Variants in PABPC4L observed in about 807,000 individuals in gnomAD.
The protein encoded by PABPC4L is poly(A) binding protein cytoplasmic 4 like.
For synonymous variants in PABPC4L, 169 were observed against 164.1 expected, an observed-to-expected ratio of 1.03 and a Z score of -0.23; for missense variants, 452 against 451.4, an observed-to-expected ratio of 1.00 and a Z score of -0.01.
At chr4:134,073,395 T>C in the PABPC4L span, among the ~76,000 whole-genome samples, 1 of 152,196 alleles carries the variant, frequency 6.6e-6, no homozygotes, top group Non-Finnish European at 1.5e-5. Context: ...CTGATGGAAG[T>C]AGGCTCCATG....
chr4:134,092,114 G>A, the PABPC4L span, among the ~76,000 whole-genome samples: 8 of 151,982 alleles, frequency 5.3e-5, no homozygotes, highest in East Asian at 1.2e-3. Context: ...ACTGGGTAGA[G>A]GGGGGTGGTT....
chr4:133,961,325 G>A, the PABPC4L span, among the ~76,000 whole-genome samples: 4 of 152,102 alleles, frequency 2.6e-5, no homozygotes, highest in Non-Finnish European at 5.9e-5. Flanking sequence ...AATCCCTACA[G>A]CTCAGCTGTC....
the PABPC4L span, among the ~76,000 whole-genome samples, chr4:133,971,643 A>G: frequency 6.6e-6 from 1 of 152,138 alleles, no homozygotes; most frequent in African/African-American, 2.4e-5. Context: ...GTCTGGTCCT[A>G]TCTATATCCA....
At chr4:134,031,480 AT>A in the PABPC4L span, among the ~76,000 whole-genome samples, 1 of 151,758 alleles carries the variant, frequency 6.6e-6, no homozygotes, top group African/African-American at 2.4e-5. Flanking sequence ...AAATAGACAC[AT>A]TTTTCTTTGA....
At chr4:133,982,083 C>A in the PABPC4L span, among the ~76,000 whole-genome samples, 1 of 151,952 alleles carries the variant, frequency 6.6e-6, no homozygotes, top group African/African-American at 2.4e-5. Flanking sequence ...ATTAATTTTG[C>A]CTTGCCATCA....
the PABPC4L span, among the ~76,000 whole-genome samples, chr4:134,000,890 G>A: frequency 6.6e-6 from 1 of 152,036 alleles, no homozygotes; most frequent in African/African-American, 2.4e-5. Flanking sequence ...CTACACCACC[G>A]GTTTTCCTGG....
chr4:133,963,511 A>G, the PABPC4L span, among the ~76,000 whole-genome samples: 1 of 152,144 alleles, frequency 6.6e-6, no homozygotes, highest in Non-Finnish European at 1.5e-5. Context: ...TATATACAGA[A>G]CATTCCATCC....
chr4:133,956,116 C>T, the PABPC4L span, among the ~76,000 whole-genome samples: 6 of 151,992 alleles, frequency 3.9e-5, no homozygotes, highest in South Asian at 8.3e-4. Context: ...ATTAACTTAA[C>T]AGAATGCTTG....
chr4:134,111,861 G>C, the PABPC4L span, among the ~76,000 whole-genome samples: 1 of 151,968 alleles, frequency 6.6e-6, no homozygotes, highest in Non-Finnish European at 1.5e-5. Flanking sequence ...CCAGTCTCTG[G>C]TGTGTCTTTG....
chr4:133,967,758 A>G, the PABPC4L span, among the ~76,000 whole-genome samples: 2 of 152,240 alleles, frequency 1.3e-5, no homozygotes, highest in African/African-American at 2.4e-5. Context: ...GAGCAGAACT[A>G]TAAGAATGTA....
the PABPC4L span, among the ~76,000 whole-genome samples, chr4:134,160,730 G>A: frequency 6.6e-6 from 1 of 151,982 alleles, no homozygotes; most frequent in Non-Finnish European, 1.5e-5. Flanking sequence ...TTAGCCAGGT[G>A]GTATGTGCCT....
the PABPC4L span, among the ~76,000 whole-genome samples, chr4:134,034,460 A>G: frequency 5.3e-5 from 8 of 152,166 alleles, no homozygotes; most frequent in South Asian, 2.1e-4. Flanking sequence ...TACAGCTGCT[A>G]TAGAGAGTGA....
chr4:134,073,520 G>A, the PABPC4L span, among the ~76,000 whole-genome samples: 20,727 of 152,052 alleles, frequency 0.14, 1,755 homozygotes, highest in East Asian at 0.43. Context: ...AGCTGTCAGT[G>A]GATTTAAAAT....
the PABPC4L span, among the ~76,000 whole-genome samples, chr4:134,167,324 G>C: frequency 6.6e-6 from 1 of 152,074 alleles, no homozygotes; most frequent in African/African-American, 2.4e-5. Flanking sequence ...GAGTATTTGG[G>C]AAATCTCTGT....
chr4:134,099,524 A>G, the PABPC4L span, among the ~76,000 whole-genome samples: 2 of 151,778 alleles, frequency 1.3e-5, no homozygotes, highest in Non-Finnish European at 3.0e-5. Context: ...TGATACAAAA[A>G]CATATTTTTT....
chr4:133,951,393 T>A, the PABPC4L span, among the ~76,000 whole-genome samples: 1 of 152,138 alleles, frequency 6.6e-6, no homozygotes, highest in Admixed American at 6.5e-5. Context: ...AATCTGGGAA[T>A]CAGTAAACTA....
chr4:134,188,317 G>C, the PABPC4L span, among the ~76,000 whole-genome samples: 2 of 152,008 alleles, frequency 1.3e-5, no homozygotes, highest in African/African-American at 4.8e-5. Flanking sequence ...TAATTACTTT[G>C]GATGAACTTT....
At chr4:133,960,591 A>G in the PABPC4L span, among the ~76,000 whole-genome samples, 1 of 152,178 alleles carries the variant, frequency 6.6e-6, no homozygotes, top group East Asian at 1.9e-4. Context: ...GGAGGGCACA[A>G]ATCTGGTGTG....
the PABPC4L span, among the ~76,000 whole-genome samples, chr4:134,007,264 A>G: frequency 6.6e-6 from 1 of 151,742 alleles, no homozygotes; most frequent in African/African-American, 2.4e-5. Context: ...AATGATGTTA[A>G]TTGAAAGTTT....
Sources: gnomAD v4.1 joint callset for allele counts (sites outside exome capture counted in the v4.1 genomes callset) on GRCh38, gnomAD v4.1.1 for gene constraint, MANE v1.5 for transcripts, NCBI Gene and HGNC (gene_info 2026-07-23, HGNC 2026-07-21) for gene names.